The following WWOX variants were observed in gnomAD, a reference collection of about 807,000 sequenced individuals.
WWOX encodes WW domain containing oxidoreductase.
WWOX carries 69 observed loss-of-function variants against 46.2 expected under a neutral mutation model. The observed-to-expected ratio is 1.49, with a 90% confidence interval of 1.23 to 1.82. WWOX has a LOEUF of 1.82. Ranked by LOEUF, WWOX falls within the 40% of genes most tolerant of loss-of-function variation. The pLI is 0.00. For missense variants in WWOX, 919 were observed against 542.6 expected (o/e 1.69, Z -6.89); for synonymous variants, 359 against 202.6 (o/e 1.77, Z -6.56).
intron 8 of WWOX, among the ~76,000 whole-genome samples, chr16:78,621,780 A>G (rs896545349): frequency 6.7e-6 from 1 of 150,032 alleles, no homozygotes; most frequent in Non-Finnish European, 1.5e-5. Context: ...AATTTTTTGT[A>G]TTTTTTAGTA....
Position 78,506,751 on chromosome 16 carries a change from C to G in WWOX, c.1056+73999C>G, listed in dbSNP as rs192596572. Among the ~76,000 whole-genome samples, 276 of 137,138 alleles carry G rather than the reference C, an allele frequency of 2.0e-3. 2 individuals are homozygous for G. Among genetic ancestry groups the G allele is most frequent in the African/African-American group, 7.2e-3 (252 of 35,060 alleles). 90.0% of individuals were successfully genotyped at this position (137,138 alleles called of 152,430 possible). On this transcript the variant is annotated intron_variant, in intron 8 of 8. Transcript: ENST00000566780. ...TTTGTACAGAGTCTTGCTCTGTTGTCCAGGCTGTAGTGCAGTGGAACAATC... is the reference window on the plus strand; with the variant it reads ...TTTGTACAGAGTCTTGCTCTGTTGTGCAGGCTGTAGTGCAGTGGAACAATC...
chr16:78,368,883 A>T (rs1214983528), intron 5 of WWOX, among the ~76,000 whole-genome samples: 1 of 152,220 alleles, frequency 6.6e-6, no homozygotes, highest in African/African-American at 2.4e-5. Flanking sequence ...GTGCACTGAC[A>T]GAATGGTACA....
intron 8 of WWOX, among the ~76,000 whole-genome samples, chr16:78,537,379 C>G (rs146545643): frequency 6.4e-4 from 97 of 152,270 alleles, no homozygotes; most frequent in African/African-American, 2.3e-3. Flanking sequence ...GTAACTTGTC[C>G]TAAATCACGT....
chr16:78,528,147 C>T (rs3929506), intron 8 of WWOX, among the ~76,000 whole-genome samples: 105,710 of 136,482 alleles, frequency 0.77, 43,218 homozygotes, highest in East Asian at 0.93. Context: ...TACAGGTGCC[C>T]GCCACCACAC....
chr16:78,669,751 T>C (rs561599840), intron 8 of WWOX, among the ~76,000 whole-genome samples: 1 of 152,330 alleles, frequency 6.6e-6, no homozygotes, highest in East Asian at 1.9e-4. Context: ...ATGTGTTCCC[T>C]TGAAATTTGC....
At chr16:78,942,008 T>C (rs1304418506) in intron 8 of WWOX, among the ~76,000 whole-genome samples, 4 of 152,176 alleles carry the variant, frequency 2.6e-5, no homozygotes, top group African/African-American at 9.7e-5. Context: ...GGTGGAAGTA[T>C]TGGCGAGCAT....
intron 8 of WWOX, among the ~76,000 whole-genome samples, chr16:78,443,523 G>A (rs1204928801): frequency 6.6e-6 from 1 of 152,120 alleles, no homozygotes; most frequent in African/African-American, 2.4e-5. Context: ...CTGCCTTTGT[G>A]AGGCTGGAGC....
chr16:78,845,064 C>A (rs1474633052), intron 8 of WWOX, among the ~76,000 whole-genome samples: 1 of 151,718 alleles, frequency 6.6e-6, no homozygotes. Context: ...GGAAAACCTT[C>A]ATTCCAAAGG....
At chr16:78,464,074 A>C (rs2084017193) in intron 8 of WWOX, among the ~76,000 whole-genome samples, 1 of 152,160 alleles carries the variant, frequency 6.6e-6, no homozygotes, top group East Asian at 1.9e-4. Context: ...CACCCACACC[A>C]GTGACAACCG....
At chr16:78,768,113 G>T (rs1314907274) in intron 8 of WWOX, among the ~76,000 whole-genome samples, 1 of 150,932 alleles carries the variant, frequency 6.6e-6, no homozygotes, top group Non-Finnish European at 1.5e-5. Flanking sequence ...CCGGGTAATT[G>T]TAATTCTTGG....
chr16:78,506,023 C>T (rs1488644310), intron 8 of WWOX, among the ~76,000 whole-genome samples: 10 of 152,216 alleles, frequency 6.6e-5, no homozygotes, highest in Non-Finnish European at 1.0e-4. Context: ...AGCCCCTTCC[C>T]GACCCTTGCA....
intron 8 of WWOX, among the ~76,000 whole-genome samples, chr16:78,994,933 C>T (rs1335442501): frequency 6.8e-6 from 1 of 147,890 alleles, no homozygotes; most frequent in Non-Finnish European, 1.5e-5. Context: ...GAGGTGCAAG[C>T]CTTTTTTTTT....
chr16:78,449,763 A>G (rs181633473), intron 8 of WWOX, among the ~76,000 whole-genome samples: 4 of 152,210 alleles, frequency 2.6e-5, no homozygotes, highest in Non-Finnish European at 4.4e-5. Flanking sequence ...AATGTATCCT[A>G]AAGTCAAGTA....
chr16:78,522,941 A>G (rs1055296996), intron 8 of WWOX, among the ~76,000 whole-genome samples: 2 of 152,174 alleles, frequency 1.3e-5, no homozygotes, highest in East Asian at 3.9e-4. Flanking sequence ...GCATGGTGGC[A>G]TGTGCCTGTA....
chr16:78,956,186 C>G (rs891753374), intron 8 of WWOX, among the ~76,000 whole-genome samples: 3 of 151,774 alleles, frequency 2.0e-5, no homozygotes, highest in Admixed American at 6.6e-5. Flanking sequence ...TGCTCTGTCA[C>G]CCAGGCTGGA....
chr16:78,493,397 A>T (rs1041160287), intron 8 of WWOX, among the ~76,000 whole-genome samples: 3 of 152,214 alleles, frequency 2.0e-5, no homozygotes, highest in African/African-American at 7.2e-5. Flanking sequence ...GGCTTGATTT[A>T]TGCACACAAA....
At chr16:78,811,848 T>C (rs551748942) in intron 8 of WWOX, among the ~76,000 whole-genome samples, 2 of 152,324 alleles carry the variant, frequency 1.3e-5, no homozygotes, top group Admixed American at 1.3e-4. Context: ...CCCTAACACT[T>C]GGTCAAGTTA....
chr16:79,087,171 A>G lies in WWOX; in HGVS notation c.1057-124437A>G, dbSNP rs1181909256. Reference sequence around the variant, plus strand: ...GGAGAGTATTCATGAAATTTATGGAACAGTCTGGGGGAAATGCCATGATTT... The same window carrying G: ...GGAGAGTATTCATGAAATTTATGGAGCAGTCTGGGGGAAATGCCATGATTT... On this transcript the variant is annotated intron_variant, in intron 8 of 8. Coordinates refer to ENST00000566780, the MANE Select transcript of WWOX (RefSeq NM_016373.4). 2.6e-5 allele frequency among the ~76,000 whole-genome samples: 4 copies of G among 152,268 alleles called. No individual in the cohort carries two copies. In the East Asian group the frequency reaches 5.8e-4, roughly 22 times the overall value.
intron 8 of WWOX, among the ~76,000 whole-genome samples, chr16:78,905,754 G>T (rs940971260): frequency 1.3e-5 from 2 of 152,182 alleles, no homozygotes; most frequent in Non-Finnish European, 2.9e-5. Flanking sequence ...AATGTGAGCA[G>T]AATAGTATCC....
Sources: allele counts gnomAD v4.1 joint callset (sites outside exome capture counted in the v4.1 genomes callset), GRCh38; gene constraint gnomAD v4.1.1; transcripts MANE v1.5; gene names NCBI Gene and HGNC (gene_info 2026-07-23, HGNC 2026-07-21).